LARGE1: variants seen among roughly 807,000 people sequenced by gnomAD.
LARGE1 encodes the protein xylosyl- and glucuronyltransferase LARGE1.
A neutral mutation model predicts 87.6 loss-of-function variants in LARGE1; 43 were observed. The ratio of observed to expected loss-of-function variants is 0.49; its 90% CI spans 0.38 to 0.63. LARGE1 has a LOEUF of 0.63. Ranked by LOEUF, LARGE1 falls within the 30% of genes least tolerant of loss-of-function variation. The probability of loss-of-function intolerance (pLI) is 0.00; values close to 1 mark genes in which losing one functional copy is unlikely to be tolerated. For synonymous variants in LARGE1, 434 were observed against 394.6 expected, an observed-to-expected ratio of 1.10 and a Z score of -1.18; for missense variants, 802 against 1,000.2, an observed-to-expected ratio of 0.80 and a Z score of 2.67.
At chr22:33,648,387 T>A (rs180975312) in intron 3 of LARGE1, among the ~76,000 whole-genome samples, 111 of 152,308 alleles carry the variant, frequency 7.3e-4, no homozygotes, top group African/African-American at 2.5e-3. Context: ...TTTCCCCTCC[T>A]CGATTCTTAT....
At chr22:33,861,953 G>A (rs896716738) in intron 1 of LARGE1, among the ~76,000 whole-genome samples, 1 of 147,550 alleles carries the variant, frequency 6.8e-6, no homozygotes, top group Non-Finnish European at 1.5e-5. Context: ...CTGTCTCCTG[G>A]GTTCAAGCAA....
At chr22:33,210,399 C>A (rs567524926) in intron 11 of LARGE1, among the ~76,000 whole-genome samples, 7 of 152,236 alleles carry the variant, frequency 4.6e-5, no homozygotes, top group Non-Finnish European at 1.0e-4. Context: ...ACGACACCGG[C>A]GGAACCTGGT....
intron 9 of LARGE1, among the ~76,000 whole-genome samples, chr22:33,377,695 C>T (rs574121970): frequency 2.0e-5 from 3 of 152,082 alleles, no homozygotes; most frequent in African/African-American, 4.8e-5. Context: ...CTATTATCTC[C>T]TTCTGATAGT....
intron 2 of LARGE1, among the ~76,000 whole-genome samples, chr22:33,728,146 C>T (rs1020514172): frequency 1.3e-5 from 2 of 152,116 alleles, no homozygotes; most frequent in African/African-American, 2.4e-5. Context: ...CTTCAGTAGC[C>T]CCAACTCCAC....
At chr22:33,819,851 C>A (rs1476640025) in intron 1 of LARGE1, among the ~76,000 whole-genome samples, 2 of 152,174 alleles carry the variant, frequency 1.3e-5, no homozygotes, top group Non-Finnish European at 1.5e-5. Flanking sequence ...AGCCTGGGCA[C>A]AGGATGAGAC....
intron 1 of LARGE1, among the ~76,000 whole-genome samples, chr22:33,800,311 G>T (rs2086120302): frequency 6.6e-6 from 1 of 152,102 alleles, no homozygotes; most frequent in South Asian, 2.1e-4. Context: ...CCTCCCAATG[G>T]TGATAATTTA....
At chr22:33,813,629 G>A (rs749235942) in intron 1 of LARGE1, among the ~76,000 whole-genome samples, 1 of 152,122 alleles carries the variant, frequency 6.6e-6, no homozygotes, top group African/African-American at 2.4e-5. Flanking sequence ...CTGTGGGCTC[G>A]ATGACAAAAC....
intron 11 of LARGE1, among the ~76,000 whole-genome samples, chr22:33,223,329 C>A (rs955312875): frequency 3.3e-5 from 5 of 152,188 alleles, no homozygotes; most frequent in African/African-American, 1.2e-4. Flanking sequence ...ACCGTGATAC[C>A]TCACGTGGTG....
intron 7 of LARGE1, among the ~76,000 whole-genome samples, chr22:33,408,091 C>CT (rs2066168039): frequency 6.6e-6 from 1 of 151,900 alleles, no homozygotes; most frequent in Non-Finnish European, 1.5e-5. Flanking sequence ...AGAGGTTCTC[C>CT]TGCCTCAGCC....
chr22:33,878,125 A>ATTTTTTTTTTTTTT (rs1601836110), intron 1 of LARGE1, among the ~76,000 whole-genome samples: 4 of 51,230 alleles, frequency 7.8e-5, no homozygotes, highest in Admixed American at 2.1e-4. Context: ...TTTATATTGT[A>ATTTTTTTTTTTTTT]TTTCTTTTTT....
intron 5 of LARGE1, among the ~76,000 whole-genome samples, chr22:33,593,361 G>A (rs945764003): frequency 1.3e-5 from 2 of 152,030 alleles, no homozygotes; most frequent in African/African-American, 4.8e-5. Context: ...TATATTTTCT[G>A]AGTTCCTGCA....
intron 2 of LARGE1, among the ~76,000 whole-genome samples, chr22:33,672,755 G>C (rs759899856): frequency 1.3e-5 from 2 of 152,202 alleles, no homozygotes; most frequent in Non-Finnish European, 2.9e-5. Flanking sequence ...AGTTGGTAGA[G>C]AAGTAGATTT....
intron 11 of LARGE1, among the ~76,000 whole-genome samples, chr22:33,230,649 C>T (rs1386314396): frequency 1.3e-5 from 2 of 152,130 alleles, no homozygotes; most frequent in East Asian, 1.9e-4. Context: ...AGGTGGGGCT[C>T]ATTTTATGGG....
chr22:33,713,982 GTAACA>G (rs71187278), intron 2 of LARGE1, among the ~76,000 whole-genome samples: 7,266 of 126,190 alleles, frequency 0.058, 227 homozygotes, highest in African/African-American at 0.094. Flanking sequence ...GTAACATAAC[GTAACA>G]TAACATAACA....
chr22:33,678,756 T>C (rs939611204), intron 2 of LARGE1, among the ~76,000 whole-genome samples: 2 of 152,168 alleles, frequency 1.3e-5, no homozygotes, highest in African/African-American at 4.8e-5. Context: ...GAGCGCACCA[T>C]GGGACAGAAC....
chr22:33,439,452 C>T (rs879747993), intron 6 of LARGE1, among the ~76,000 whole-genome samples: 4 of 152,078 alleles, frequency 2.6e-5, no homozygotes, highest in East Asian at 1.9e-4. Flanking sequence ...TTAGCGTCGG[C>T]GACATCTGTC....
intron 4 of LARGE1, 108 bp downstream of exon 4, chr22:33,626,136 G>T: frequency 1.1e-6 from 1 of 886,494 alleles, no homozygotes; most frequent in Non-Finnish European, 1.9e-6. Flanking sequence ...TTTTATGGCA[G>T]CTAGAATGAT....
intron 11 of LARGE1, among the ~76,000 whole-genome samples, chr22:33,246,105 C>T (rs187110313): frequency 6.6e-6 from 1 of 152,156 alleles, no homozygotes; most frequent in African/African-American, 2.4e-5. Flanking sequence ...AATAAAATAG[C>T]AACCTCTTTG....
intron 6 of LARGE1, among the ~76,000 whole-genome samples, chr22:33,528,130 C>CG (rs367671001): frequency 0.052 from 704 of 13,666 alleles, 3 homozygotes; most frequent in East Asian, 0.11. Flanking sequence ...TGGCAGAGGT[C>CG]GGGGGGGGCG....
Sources: allele counts gnomAD v4.1 joint callset (sites outside exome capture counted in the v4.1 genomes callset), GRCh38; gene constraint gnomAD v4.1.1; transcripts MANE v1.5; gene names NCBI Gene and HGNC (gene_info 2026-07-23, HGNC 2026-07-21).